FGL1: variants seen among roughly 807,000 people sequenced by gnomAD.
The protein encoded by FGL1 is fibrinogen-like protein 1.
In FGL1, 59 loss-of-function variants were observed where a neutral mutation model predicts 43.7. That is an observed-to-expected ratio of 1.35 (90% CI 1.10 to 1.68). The LOEUF (loss-of-function observed/expected upper bound fraction) is 1.68. Ranked by LOEUF, FGL1 falls within the 40% of genes most tolerant of loss-of-function variation. The pLI, the probability that FGL1 is intolerant of heterozygous loss-of-function variation, is 0.00. For missense variants in FGL1, 596 were observed against 373.0 expected, an observed-to-expected ratio of 1.60 and a Z score of -4.92; for synonymous variants, 192 against 126.5, an observed-to-expected ratio of 1.52 and a Z score of -3.48.
At chr8:17,883,466 A>G (rs567983628) in intron 2 of FGL1, among the ~76,000 whole-genome samples, 1,664 of 126,454 alleles carry the variant, frequency 0.013, 42 homozygotes, top group African/African-American at 0.049. Flanking sequence ...ATTATATAAT[A>G]TATAAATATA....
At chr8:17,882,736 AATAATAT>A (rs1384778590) in intron 2 of FGL1, 16 of 133,032 alleles carry the variant, frequency 1.2e-4, no homozygotes, top group African/African-American at 4.1e-4. Flanking sequence ...TATGCATATA[AATAATAT>A]ATAATATATA....
intron 3 of FGL1, among the ~76,000 whole-genome samples, chr8:17,878,810 A>G (rs1412951928): frequency 3.9e-5 from 6 of 152,026 alleles, no homozygotes; most frequent in Non-Finnish European, 8.8e-5. Flanking sequence ...TCTACAGATT[A>G]TATGTATGAA....
chr8:17,881,959 A>C (rs1363934213), intron 3 of FGL1, 40 bp downstream of exon 3: 2 of 1,575,358 alleles, frequency 1.3e-6, no homozygotes. Context: ...TGGGTGCATA[A>C]TGTAAGTTAT....
In FGL1 at chr8:17,882,012, C is replaced by A. The variant is rs747094477; in HGVS notation, c.231G>T (p.Lys77Asn). The A allele has an allele frequency of 3.7e-6, 6 of 1,613,780 alleles. No homozygotes were observed. The highest frequency in any genetic ancestry group is 5.1e-6 in the Non-Finnish European group (6 of 1,179,916). The change falls in exon 3 of 8, where the codon AAG becomes AAT. Residue 77 changes from lysine to asparagine, a missense_variant. Physicochemically the swap from Lys to Asn is moderately conservative, Grantham distance 94. Transcript: ENST00000427924. ...DENTVIDLGS[K>N]RQYADCSEIF... ...GTCCATTCTGACCTGCATACTGCCT[C>A]TTGCTTCCAAGATCAATGACAGTAT... is the stretch of plus-strand genomic sequence containing the variant.
At chr8:17,865,629 T>C (rs1393476587) in intron 7 of FGL1, among the ~76,000 whole-genome samples, 1 of 152,212 alleles carries the variant, frequency 6.6e-6, no homozygotes, top group Admixed American at 6.5e-5. Flanking sequence ...CTTTCCTCCT[T>C]TGGAGTCTGT....
intron 3 of FGL1, among the ~76,000 whole-genome samples, chr8:17,875,585 C>A (rs866988608): frequency 0.14 from 4,062 of 29,642 alleles, 569 homozygotes; most frequent in African/African-American, 0.23. Context: ...TTCTTTCTTT[C>A]TTTCTTTCTT....
chr8:17,871,071 G>T (rs1043252635), intron 5 of FGL1, among the ~76,000 whole-genome samples: 7 of 152,020 alleles, frequency 4.6e-5, no homozygotes, highest in Non-Finnish European at 1.0e-4. Context: ...GCCTCTCTTG[G>T]GCTTGTTGAT....
intron 5 of FGL1, among the ~76,000 whole-genome samples, chr8:17,873,123 T>C (rs376854370): frequency 6.6e-6 from 1 of 152,194 alleles, no homozygotes; most frequent in South Asian, 2.1e-4. Flanking sequence ...TGCCCAATTG[T>C]TCACCTCTCT....
rs145891608 is a variant in FGL1, at chr8:17,868,579, C to T, written c.748G>A (p.Glu250Lys). 109 of 1,613,060 alleles carry T rather than the reference C, an allele frequency of 6.8e-5. No individual in the cohort carries two copies. In the African/African-American group the frequency reaches 1.3e-3, roughly 20 times the overall value. Residue 250 changes from glutamate to lysine, a missense_variant, in exon 7 of 8, where the codon GAA becomes AAA. Coordinates refer to ENST00000427924, the MANE Select transcript of FGL1 (RefSeq NM_004467.4). ...AACCACCAGCCAGACTGATCTTCTTCTGCGCAGTTCCCTTCATAGTTGTCA... is the reference window on the plus strand; with the variant it reads ...AACCACCAGCCAGACTGATCTTCTTTTGCGCAGTTCCCTTCATAGTTGTCA... ...DHDNYEGNCA[E>K]EDQSGWWFNR... is the part of the protein sequence containing the mutation.
In FGL1 at chr8:17,864,417, A is replaced by C. The variant is rs1408190000; in HGVS notation, c.*175T>G. 8 of 593,660 alleles carry C rather than the reference A, an allele frequency of 1.3e-5. No individual in the cohort carries two copies. Among genetic ancestry groups the C allele is most frequent in the Non-Finnish European group, 2.0e-5 (7 of 356,002 alleles). 36.8% of individuals were successfully genotyped at this position (593,660 alleles called of 1,614,324 possible). A position where few individuals can be genotyped will look rare whatever the true frequency, so the allele number is the denominator to read the frequency against. On this transcript the variant is annotated 3_prime_UTR_variant, in exon 8 of 8. Coordinates refer to ENST00000427924, the MANE Select transcript of FGL1 (RefSeq NM_004467.4). The stretch of plus-strand genomic sequence containing the variant: ...TAACACAGTCTACATTTATTTGGTG[A>C]ATATTGCATATCTGCTGTACTGAAA...
At chr8:17,864,990 T>G (rs2053248896) in intron 7 of FGL1, among the ~76,000 whole-genome samples, 1 of 152,058 alleles carries the variant, frequency 6.6e-6, no homozygotes, top group Admixed American at 6.6e-5. Flanking sequence ...CTCACTGTGT[T>G]GCCCTGGCTG....
intron 3 of FGL1, among the ~76,000 whole-genome samples, chr8:17,876,881 G>A (rs1033437003): frequency 8.6e-5 from 13 of 151,946 alleles, no homozygotes; most frequent in African/African-American, 2.9e-4. Context: ...TTATTTCTTT[G>A]GTCTTGTTTT....
chr8:17,873,509 G>A (rs970574992), intron 5 of FGL1, among the ~76,000 whole-genome samples: 3 of 152,030 alleles, frequency 2.0e-5, no homozygotes, highest in African/African-American at 7.2e-5. Context: ...GTAATAAATG[G>A]TTGTTGATTT....
Position 17,885,523 on chromosome 8 carries a change from G to A in FGL1, c.32C>T (p.Thr11Ile). The A allele has an allele frequency of 2.5e-6, 4 of 1,613,726 alleles. No individual in the cohort carries two copies. Among genetic ancestry groups the A allele is most frequent in the Non-Finnish European group, 3.4e-6 (4 of 1,179,744 alleles). The change falls in exon 2 of 8, where the codon ACC (threonine) becomes ATC (isoleucine). Residue 11 changes from threonine to isoleucine, a missense_variant. Thr to Ile is a moderately conservative substitution (Grantham distance 89, BLOSUM62 -1). Coordinates refer to ENST00000427924, the MANE Select transcript of FGL1 (RefSeq NM_004467.4). Reference sequence around the variant, plus strand: ...TTCCCTGCCCATTGTCAGAGCGGTGGTAACAAGGATGAAACTGAACACCTT... The same window carrying A: ...TTCCCTGCCCATTGTCAGAGCGGTGATAACAAGGATGAAACTGAACACCTT... MAKVFSFILV[T>I]TALTMGREIS...
chr8:17,876,986 C>G (rs1314292144), intron 3 of FGL1, among the ~76,000 whole-genome samples: 2 of 152,184 alleles, frequency 1.3e-5, no homozygotes, highest in African/African-American at 4.8e-5. Flanking sequence ...AAACCCCCAA[C>G]AAATAAATAA....
At chr8:17,889,750 C>T (rs907217795) in intron 1 of FGL1, among the ~76,000 whole-genome samples, 14 of 152,292 alleles carry the variant, frequency 9.2e-5, no homozygotes, top group Non-Finnish European at 1.8e-4. Flanking sequence ...TTAATCCTTT[C>T]TTACTGTATT....
intron 7 of FGL1, among the ~76,000 whole-genome samples, chr8:17,867,664 A>G (rs1025966494): frequency 6.6e-6 from 1 of 152,170 alleles, no homozygotes; most frequent in Non-Finnish European, 1.5e-5. Flanking sequence ...GACTTCTACT[A>G]AGTGTCTTGG....
At chr8:17,876,000 G>A (rs193263116) in intron 3 of FGL1, among the ~76,000 whole-genome samples, 10 of 152,224 alleles carry the variant, frequency 6.6e-5, no homozygotes, top group South Asian at 2.1e-4. Flanking sequence ...CTTAGAGAAC[G>A]TGGCAAATGG....
chr8:17,874,635 T>C lies in FGL1; in HGVS notation c.245-114A>G, dbSNP rs1332346932. ...CACTGGAGACAGATAACACATGGTA[T>C]AGAAATCAGCGTTTTAAAATTGCAT... On this transcript the variant is annotated intron_variant, in intron 3 of 7. Coordinates refer to ENST00000427924, the MANE Select transcript of FGL1 (RefSeq NM_004467.4). The C allele has an allele frequency of 4.6e-6, 3 of 649,508 alleles. No individual in the cohort carries two copies. The East Asian group carries it at 8.6e-5, about 19-fold the overall frequency. The allele number at this position is 649,508 out of a possible 1,614,324, so 40.2% of individuals were successfully genotyped here.
Sources: allele counts gnomAD v4.1 joint callset (sites outside exome capture counted in the v4.1 genomes callset), GRCh38; gene constraint gnomAD v4.1.1; transcripts MANE v1.5; gene names NCBI Gene and HGNC (gene_info 2026-07-23, HGNC 2026-07-21).